UBE3D: variants seen among roughly 807,000 people sequenced by gnomAD.
The protein encoded by UBE3D is E3 ubiquitin-protein ligase E3D.
UBE3D carries 48 observed loss-of-function variants against 49.6 expected under a neutral mutation model. The ratio of observed to expected loss-of-function variants is 0.97; its 90% CI spans 0.77 to 1.23. UBE3D has a LOEUF of 1.23. Ranked by LOEUF, UBE3D falls within the 50% of genes most tolerant of loss-of-function variation. The probability of loss-of-function intolerance (pLI) is 0.00; values close to 1 mark genes in which losing one functional copy is unlikely to be tolerated. For synonymous variants in UBE3D, 189 were observed against 174.2 expected (o/e 1.08, Z -0.67); for missense variants, 452 against 468.4 (o/e 0.96, Z 0.32).
chr6:82,895,992 A>G (rs1427196505), intron 9 of UBE3D, among the ~76,000 whole-genome samples: 5 of 152,230 alleles, frequency 3.3e-5, no homozygotes, highest in Non-Finnish European at 5.9e-5. Flanking sequence ...GAAAAAGTTT[A>G]AAATTTGGCT....
chr6:82,997,896 A>C (rs1335488064), intron 8 of UBE3D, among the ~76,000 whole-genome samples: 2 of 152,108 alleles, frequency 1.3e-5, no homozygotes, highest in African/African-American at 2.4e-5. Context: ...TTTGAACTTG[A>C]CCCTGTGATT....
chr6:82,908,623 A>G (rs1418239351), intron 9 of UBE3D, among the ~76,000 whole-genome samples: 1 of 152,156 alleles, frequency 6.6e-6, no homozygotes, highest in Non-Finnish European at 1.5e-5. Context: ...AAAAAATTTC[A>G]TATTTCAATC....
At chr6:82,949,748 G>A (rs185519428) in intron 9 of UBE3D, among the ~76,000 whole-genome samples, 4 of 152,058 alleles carry the variant, frequency 2.6e-5, no homozygotes, top group African/African-American at 9.7e-5. Context: ...AAAGTGCCAA[G>A]AACATATAGT....
chr6:83,005,022 A>C (rs1161403726), intron 8 of UBE3D, among the ~76,000 whole-genome samples: 1 of 152,186 alleles, frequency 6.6e-6, no homozygotes, highest in Non-Finnish European at 1.5e-5. Flanking sequence ...TTGTGCATCA[A>C]AAGACACAAT....
intron 8 of UBE3D, among the ~76,000 whole-genome samples, chr6:82,957,912 T>G (rs1305357201): frequency 6.6e-6 from 1 of 152,200 alleles, no homozygotes; most frequent in Non-Finnish European, 1.5e-5. Context: ...AGCTCAGTGA[T>G]TTTCAAACTT....
Position 83,050,671 on chromosome 6 carries a change from T to A in UBE3D, c.365+3477A>T, listed in dbSNP as rs1259261799. Among the ~76,000 whole-genome samples, 10 of 152,326 alleles carry A rather than the reference T, an allele frequency of 6.6e-5. No homozygotes were observed. In the East Asian group the frequency reaches 1.7e-3, roughly 26 times the overall value. On this transcript the variant is annotated intron_variant, in intron 3 of 9. Coordinates refer to ENST00000369747, the MANE Select transcript of UBE3D (RefSeq NM_198920.3). ...TTACCACTCACATAAAACAGATAAC[T>A]GCGGGAGAAATAAGAAGAACACTGG...
chr6:83,057,728 C>T (rs2127848758), intron 2 of UBE3D, 98 bp downstream of exon 2: 1 of 1,213,458 alleles, frequency 8.2e-7, no homozygotes, highest in Non-Finnish European at 1.2e-6. Context: ...GCTTCTCAAC[C>T]CCTTCACCTG....
chr6:82,915,746 G>GA (rs1772872581), intron 9 of UBE3D, among the ~76,000 whole-genome samples: 1 of 152,222 alleles, frequency 6.6e-6, no homozygotes, highest in Admixed American at 6.5e-5. Context: ...TTATAAAAGT[G>GA]TAAGATGATA....
chr6:82,956,371 T>C (rs1210231960), intron 9 of UBE3D, among the ~76,000 whole-genome samples: 1 of 152,236 alleles, frequency 6.6e-6, no homozygotes, highest in Non-Finnish European at 1.5e-5. Flanking sequence ...AATTCTCATT[T>C]GACACTCATT....
At chr6:83,033,011 C>A (rs1210072536) in intron 5 of UBE3D, among the ~76,000 whole-genome samples, 1 of 152,092 alleles carries the variant, frequency 6.6e-6, no homozygotes. Context: ...TGAGAACAGA[C>A]TAATACAGTT....
chr6:83,022,519 C>T lies in UBE3D; in HGVS notation c.780G>A (p.Gln260=). The T allele has an allele frequency of 6.2e-7, 1 of 1,606,228 alleles. No homozygotes were observed. The highest frequency in any genetic ancestry group is 1.3e-5 in the African/African-American group (1 of 74,386). ...TAAAAGTGCTTCTAGCAGAGGAGAG[C>T]TGCACCAGACACTGGGCGATCACGC... ...VQSVIAQCLV[Q]LSSARSTFRF... is the part of the protein sequence containing the mutation. Residue 260 remains glutamine (Q), a synonymous_variant, in exon 7 of 10, where the codon CAG becomes CAA. Transcript: ENST00000369747.
the UBE3D span, among the ~76,000 whole-genome samples, chr6:82,884,994 C>T: frequency 6.6e-6 from 1 of 152,160 alleles, no homozygotes; most frequent in Non-Finnish European, 1.5e-5. Flanking sequence ...AAAAGCTTTT[C>T]TGCTTGCAAG....
At chr6:82,997,393 C>A (rs1779315096) in intron 8 of UBE3D, among the ~76,000 whole-genome samples, 1 of 151,988 alleles carries the variant, frequency 6.6e-6, no homozygotes. Flanking sequence ...TGCAGAAGGA[C>A]ACTATGGTAT....
chr6:83,049,425 G>A (rs1334078878), intron 3 of UBE3D, among the ~76,000 whole-genome samples: 1 of 152,196 alleles, frequency 6.6e-6, no homozygotes, highest in Non-Finnish European at 1.5e-5. Flanking sequence ...TACGTACATA[G>A]TATGATTTGA....
intron 9 of UBE3D, among the ~76,000 whole-genome samples, chr6:82,908,539 G>A (rs972220871): frequency 2.0e-5 from 3 of 152,046 alleles, no homozygotes; most frequent in Admixed American, 6.6e-5. Flanking sequence ...ACTGAAATAC[G>A]AAAATAAGAA....
chr6:83,037,189 C>G (rs906378785), intron 5 of UBE3D: 1 of 152,664 alleles, frequency 6.6e-6, no homozygotes, highest in African/African-American at 2.4e-5. Flanking sequence ...CAAATTCTGA[C>G]TTGTTTTGGG....
intron 9 of UBE3D, among the ~76,000 whole-genome samples, chr6:82,897,142 T>C (rs1044128509): frequency 3.3e-5 from 5 of 151,972 alleles, no homozygotes; most frequent in Admixed American, 6.6e-5. Flanking sequence ...ATGTTCCTTT[T>C]AAAAAGGACA....
chr6:82,910,660 G>A (rs1772434809), intron 9 of UBE3D, among the ~76,000 whole-genome samples: 1 of 152,122 alleles, frequency 6.6e-6, no homozygotes, highest in African/African-American at 2.4e-5. Context: ...AGGTTCCATG[G>A]TGATTTCCTA....
At chr6:82,916,386 T>G (rs562686837) in intron 9 of UBE3D, among the ~76,000 whole-genome samples, 1 of 152,360 alleles carries the variant, frequency 6.6e-6, no homozygotes. Context: ...ACTTCTTACA[T>G]TAATACATCT....
Sources: allele counts gnomAD v4.1 joint callset (sites outside exome capture counted in the v4.1 genomes callset), GRCh38; gene constraint gnomAD v4.1.1; transcripts MANE v1.5; gene names NCBI Gene and HGNC (gene_info 2026-07-23, HGNC 2026-07-21).